CPNE4: variants seen among roughly 807,000 people sequenced by gnomAD.
CPNE4 encodes copine-4.
Under a neutral mutation model 67.9 loss-of-function variants are expected in CPNE4, and 25 were observed. The observed-to-expected ratio is 0.37, with a 90% CI of 0.27 to 0.51. CPNE4 has a LOEUF of 0.51. Ranked by LOEUF, CPNE4 falls within the 20% of genes least tolerant of loss-of-function variation. The probability of loss-of-function intolerance (pLI) is 0.93; values close to 1 mark genes in which losing one functional copy is unlikely to be tolerated. For synonymous variants in CPNE4, 242 were observed against 244.9 expected, an observed-to-expected ratio of 0.99 and a Z score of 0.11; for missense variants, 464 against 690.8, an observed-to-expected ratio of 0.67 and a Z score of 3.68.
intron 2 of CPNE4, among the ~76,000 whole-genome samples, chr3:131,799,270 T>G (rs997655082): frequency 6.6e-5 from 10 of 152,152 alleles, no homozygotes; most frequent in Non-Finnish European, 1.3e-4. Context: ...CTGGGCAGCA[T>G]CATTAAGACC....
intron 6 of CPNE4, among the ~76,000 whole-genome samples, chr3:131,685,437 C>A (rs1411454361): frequency 6.6e-6 from 1 of 151,272 alleles, no homozygotes; most frequent in Non-Finnish European, 1.5e-5. Flanking sequence ...ATGGCAGAAC[C>A]TTCTTGAGGA....
chr3:132,007,425 T>G (rs1274678745), intron 1 of CPNE4, among the ~76,000 whole-genome samples: 1 of 152,176 alleles, frequency 6.6e-6, no homozygotes, highest in Non-Finnish European at 1.5e-5. Flanking sequence ...TGAACCTCAC[T>G]GAATCCCCAA....
intron 2 of CPNE4, among the ~76,000 whole-genome samples, chr3:131,898,823 GCTTT>G (rs963118397): frequency 1.6e-4 from 25 of 152,164 alleles, no homozygotes; most frequent in Admixed American, 3.3e-4. Context: ...ACCAAGATCA[GCTTT>G]CTTTTTCTTT....
chr3:131,912,490 CACA>C (rs1473450564), intron 1 of CPNE4, among the ~76,000 whole-genome samples: 2 of 152,106 alleles, frequency 1.3e-5, no homozygotes, highest in South Asian at 2.1e-4. Context: ...GTCTCTATCT[CACA>C]ACATTTCCAT....
At chr3:131,662,281 G>A (rs1021271098) in intron 7 of CPNE4, among the ~76,000 whole-genome samples, 9 of 152,190 alleles carry the variant, frequency 5.9e-5, no homozygotes, top group African/African-American at 2.2e-4. Context: ...CCAAAGCAAA[G>A]ACAGTGAATT....
At chr3:131,839,810 G>C (rs371493749) in intron 2 of CPNE4, among the ~76,000 whole-genome samples, 24 of 152,112 alleles carry the variant, frequency 1.6e-4, no homozygotes, top group African/African-American at 5.8e-4. Context: ...GCCACTACCA[G>C]GTAACCCCAG....
At chr3:131,557,628 G>A (rs901474591) in intron 11 of CPNE4, among the ~76,000 whole-genome samples, 1 of 152,066 alleles carries the variant, frequency 6.6e-6, no homozygotes, top group Non-Finnish European at 1.5e-5. Context: ...AGGCTTTGTG[G>A]TGCATTGCAT....
At position 131,655,748 on chromosome 3, in the gene CPNE4, A is replaced by T. The variant is rs569198129; in HGVS notation, c.681+13927T>A. On this transcript the variant is annotated intron_variant, in intron 7 of 15. Transcript: ENST00000429747. The stretch of plus-strand genomic sequence containing the variant: ...CTTTTCTCACCCATTTTAAGACTTA[A>T]TTGAATCCTGTTTGTTTGTCTCACC... 1.4e-3 allele frequency among the ~76,000 whole-genome samples: 216 copies of T among 152,248 alleles called. 2 individuals carry two copies. Among genetic ancestry groups the T allele is most frequent in the African/African-American group, 4.7e-3 (196 of 41,550 alleles).
chr3:131,748,000 T>A (rs2082534384), intron 2 of CPNE4, among the ~76,000 whole-genome samples: 1 of 152,086 alleles, frequency 6.6e-6, no homozygotes. Flanking sequence ...TAGATGCTCT[T>A]TATCAAGCTG....
intron 6 of CPNE4, among the ~76,000 whole-genome samples, chr3:131,682,393 T>C (rs1295686775): frequency 2.0e-5 from 3 of 152,098 alleles, no homozygotes; most frequent in Non-Finnish European, 4.4e-5. Flanking sequence ...TCTTTCAGAC[T>C]TGTAGAGGTA....
At chr3:131,577,501 G>T (rs1937579707) in intron 9 of CPNE4, among the ~76,000 whole-genome samples, 1 of 152,044 alleles carries the variant, frequency 6.6e-6, no homozygotes. Flanking sequence ...TCATGTTATT[G>T]TACTGAATAT....
intron 1 of CPNE4, among the ~76,000 whole-genome samples, chr3:131,992,566 G>A (rs556390545): frequency 4.4e-5 from 6 of 136,092 alleles, no homozygotes; most frequent in African/African-American, 1.5e-4. Flanking sequence ...TGAGACTTTG[G>A]ACTTGAACTT....
At chr3:131,904,005 C>G (rs2088649865) in intron 2 of CPNE4, among the ~76,000 whole-genome samples, 1 of 152,102 alleles carries the variant, frequency 6.6e-6, no homozygotes, top group South Asian at 2.1e-4. Flanking sequence ...CCAGAATAAA[C>G]TTTTTGTAAA....
chr3:131,860,711 T>C (rs1419875981), intron 2 of CPNE4, among the ~76,000 whole-genome samples: 2 of 152,224 alleles, frequency 1.3e-5, no homozygotes, highest in Non-Finnish European at 2.9e-5. Context: ...ATAGGGGTTA[T>C]ATTGCTTATG....
chr3:131,705,497 G>T (rs116545202), intron 3 of CPNE4, among the ~76,000 whole-genome samples: 2,720 of 152,214 alleles, frequency 0.018, 95 homozygotes, highest in African/African-American at 0.062. Flanking sequence ...CTGCTGATTT[G>T]GTCTTTCATT....
At chr3:131,721,884 T>A (rs187481437) in intron 3 of CPNE4, among the ~76,000 whole-genome samples, 1 of 152,212 alleles carries the variant, frequency 6.6e-6, no homozygotes, top group Non-Finnish European at 1.5e-5. Flanking sequence ...TTAGTGGACA[T>A]TGTACCTGGC....
chr3:131,861,124 T>C (rs1160620678), intron 2 of CPNE4, among the ~76,000 whole-genome samples: 1 of 152,218 alleles, frequency 6.6e-6, no homozygotes, highest in African/African-American at 2.4e-5. Context: ...GAAAACCACA[T>C]ATTTGGAGTC....
chr3:132,004,022 G>C (rs2073524280), intron 1 of CPNE4, among the ~76,000 whole-genome samples: 1 of 151,946 alleles, frequency 6.6e-6, no homozygotes. Flanking sequence ...TGGAAATGAT[G>C]GTCTCCTCCT....
At chr3:131,827,055 A>G (rs1166302091) in intron 2 of CPNE4, among the ~76,000 whole-genome samples, 1 of 151,890 alleles carries the variant, frequency 6.6e-6, no homozygotes, top group Non-Finnish European at 1.5e-5. Flanking sequence ...AAACAAAACA[A>G]AAAAAAACAA....
Sources: allele counts gnomAD v4.1 joint callset (sites outside exome capture counted in the v4.1 genomes callset), GRCh38; gene constraint gnomAD v4.1.1; transcripts MANE v1.5; gene names NCBI Gene and HGNC (gene_info 2026-07-23, HGNC 2026-07-21).